ASIC2: variants seen among roughly 807,000 people sequenced by gnomAD.
ASIC2 encodes acid-sensing ion channel 2.
In ASIC2, 25 loss-of-function variants were observed where a neutral mutation model predicts 57.3. The ratio of observed to expected loss-of-function variants is 0.44; its 90% confidence interval spans 0.32 to 0.61. ASIC2 has a LOEUF of 0.61. ASIC2 is among the 20% of genes least tolerant of loss of function. The pLI, the probability that ASIC2 is intolerant of heterozygous loss-of-function variation, is 0.06. For synonymous variants in ASIC2, 319 were observed against 307.5 expected (o/e 1.04, Z -0.39); for missense variants, 641 against 738.1 (o/e 0.87, Z 1.52).
chr17:33,701,952 A>C (rs573282171), intron 1 of ASIC2, among the ~76,000 whole-genome samples: 1 of 152,216 alleles, frequency 6.6e-6, no homozygotes, highest in African/African-American at 2.4e-5. Context: ...TTCTGCAGAC[A>C]TAGAAGTTCT....
chr17:33,286,198 T>C (rs1905173828), intron 1 of ASIC2, among the ~76,000 whole-genome samples: 1 of 152,238 alleles, frequency 6.6e-6, no homozygotes, highest in Non-Finnish European at 1.5e-5. Flanking sequence ...TTGTCTGATG[T>C]GACAAAATGT....
chr17:34,093,062 TTTA>T (rs1431165740), intron 1 of ASIC2, among the ~76,000 whole-genome samples: 10 of 152,312 alleles, frequency 6.6e-5, no homozygotes, highest in African/African-American at 2.2e-4. Flanking sequence ...TGCTGAAACG[TTTA>T]TTATTTCAGA....
intron 3 of ASIC2, among the ~76,000 whole-genome samples, chr17:33,040,591 T>A (rs1330027612): frequency 2.0e-5 from 3 of 152,190 alleles, no homozygotes; most frequent in African/African-American, 7.2e-5. Context: ...GTGGTCTAAA[T>A]GTTTAGGTCA....
chr17:33,213,506 A>T (rs976855384), intron 1 of ASIC2, among the ~76,000 whole-genome samples: 1 of 152,206 alleles, frequency 6.6e-6, no homozygotes, highest in African/African-American at 2.4e-5. Flanking sequence ...AAGGCCTGGG[A>T]GTGAAGCTCA....
At chr17:33,648,978 C>T (rs67227563) in intron 1 of ASIC2, among the ~76,000 whole-genome samples, 56,789 of 151,990 alleles carry the variant, frequency 0.37, 10,801 homozygotes, top group African/African-American at 0.44. Flanking sequence ...GCTGAAAGAC[C>T]GAATACCTTC....
At chr17:33,046,533 T>C (rs142922956) in intron 3 of ASIC2, among the ~76,000 whole-genome samples, 1 of 152,056 alleles carries the variant, frequency 6.6e-6, no homozygotes. Flanking sequence ...TGTGTGTGTG[T>C]GGGGAGCTGA....
At chr17:33,308,185 T>C (rs1204136359) in intron 1 of ASIC2, among the ~76,000 whole-genome samples, 1 of 152,024 alleles carries the variant, frequency 6.6e-6, no homozygotes, top group African/African-American at 2.4e-5. Context: ...TTAAGGAGAG[T>C]GATTCAATGG....
At chr17:33,659,855 G>A (rs1396517475) in intron 1 of ASIC2, among the ~76,000 whole-genome samples, 5 of 150,574 alleles carry the variant, frequency 3.3e-5, no homozygotes, top group East Asian at 3.9e-4. Flanking sequence ...CTGGGTGACA[G>A]AGCGAGACTC....
chr17:33,155,562 TTC>T (rs1491215699), intron 1 of ASIC2, among the ~76,000 whole-genome samples: 9 of 122,402 alleles, frequency 7.4e-5, no homozygotes, highest in African/African-American at 2.0e-4. Flanking sequence ...CTTTCTTTCT[TTC>T]TTTTTTTTTT....
At position 34,015,957 on chromosome 17, in the gene ASIC2, A is replaced by G. The variant is rs150927497; in HGVS notation, c.555+140021T>C. 4.1e-4 allele frequency among the ~76,000 whole-genome samples: 62 copies of G among 152,352 alleles called. No individual in the cohort carries two copies. In the East Asian group the frequency reaches 0.012, roughly 29 times the overall value. On this transcript the variant is annotated intron_variant, in intron 1 of 9. Transcript: ENST00000359872. ...GGGATAATACATTTTAAGTATATAG[A>G]GCAGATGCTACAATGGTCACAAAAC... is the stretch of plus-strand genomic sequence containing the variant.
At chr17:33,727,250 C>G (rs1482204080) in intron 1 of ASIC2, among the ~76,000 whole-genome samples, 1 of 152,090 alleles carries the variant, frequency 6.6e-6, no homozygotes, top group Non-Finnish European at 1.5e-5. Flanking sequence ...CAGGAAAGTT[C>G]CAAGTTGAAA....
intron 1 of ASIC2, among the ~76,000 whole-genome samples, chr17:33,747,238 T>C (rs1597859826): frequency 6.7e-6 from 1 of 149,856 alleles, no homozygotes; most frequent in Admixed American, 6.7e-5. Context: ...TTTTTTTTTT[T>C]TTTTTGAGAT....
At chr17:33,219,331 C>A (rs1229165172) in intron 1 of ASIC2, among the ~76,000 whole-genome samples, 2 of 152,206 alleles carry the variant, frequency 1.3e-5, no homozygotes, top group African/African-American at 2.4e-5. Context: ...TACTTCATAT[C>A]TTACTTCAGT....
intron 1 of ASIC2, among the ~76,000 whole-genome samples, chr17:33,242,963 C>T (rs1908565013): frequency 6.6e-6 from 1 of 152,206 alleles, no homozygotes; most frequent in Non-Finnish European, 1.5e-5. Context: ...CTCACTGGAG[C>T]ACCTGGCAGA....
At chr17:34,063,309 A>T (rs1909038839) in intron 1 of ASIC2, among the ~76,000 whole-genome samples, 1 of 152,234 alleles carries the variant, frequency 6.6e-6, no homozygotes, top group South Asian at 2.1e-4. Flanking sequence ...GCATTCAACA[A>T]AATCCAGCAT....
At chr17:33,421,111 G>C (rs1165091406) in intron 1 of ASIC2, among the ~76,000 whole-genome samples, 1 of 152,168 alleles carries the variant, frequency 6.6e-6, no homozygotes, top group Non-Finnish European at 1.5e-5. Flanking sequence ...TTCTCAGAGA[G>C]AGCAGGGTGG....
intron 1 of ASIC2, among the ~76,000 whole-genome samples, chr17:33,739,041 C>A (rs1456077495): frequency 6.6e-6 from 1 of 152,206 alleles, no homozygotes; most frequent in Non-Finnish European, 1.5e-5. Flanking sequence ...CCAGTTCTGG[C>A]AGAAAGCTGT....
chr17:33,950,450 T>A (rs1904523360), intron 1 of ASIC2, among the ~76,000 whole-genome samples: 1 of 152,218 alleles, frequency 6.6e-6, no homozygotes, highest in Non-Finnish European at 1.5e-5. Context: ...TGCCTGTCAC[T>A]GGAAAAGTAA....
chr17:33,605,066 T>A (rs17249838), intron 1 of ASIC2, among the ~76,000 whole-genome samples: 3,169 of 152,216 alleles, frequency 0.021, 56 homozygotes, highest in East Asian at 0.071. Context: ...AGGTAGACTT[T>A]GAATCTCCAG....
Sources: allele counts gnomAD v4.1 joint callset (sites outside exome capture counted in the v4.1 genomes callset), GRCh38; gene constraint gnomAD v4.1.1; transcripts MANE v1.5; gene names NCBI Gene and HGNC (gene_info 2026-07-23, HGNC 2026-07-21).